TSPAN16: variants seen among roughly 807,000 people sequenced by gnomAD.
TSPAN16 encodes the protein tetraspanin-16.
Under a neutral mutation model 25.2 loss-of-function variants are expected in TSPAN16, and 23 were observed. The observed-to-expected ratio is 0.91, with a 90% CI of 0.66 to 1.29. The LOEUF is 1.29. TSPAN16 is among the 50% of genes most tolerant of loss of function. The pLI, the probability that TSPAN16 is intolerant of heterozygous loss-of-function variation, is 0.00. For synonymous variants in TSPAN16, 123 were observed against 124.4 expected (o/e 0.99, Z 0.08); for missense variants, 272 against 299.9 (o/e 0.91, Z 0.69).
rs149276720 is a variant in TSPAN16 at position 11,310,210 on chromosome 19, G to C, written c.604-1929G>C. On this transcript the variant is annotated intron_variant, in intron 5 of 6. Transcript: ENST00000590327. ...GAGATGTGCCAGGGGCCTAGAAGAG[G>C]GAGCTACTCTGGAAGTGCAGGAAGA... Among the ~76,000 whole-genome samples, 32 of 152,210 alleles carry C rather than the reference G, an allele frequency of 2.1e-4. No individual in the cohort carries two copies. In the East Asian group the frequency reaches 4.8e-3, roughly 23 times the overall value.
intron 4 of TSPAN16, among the ~76,000 whole-genome samples, chr19:11,304,409 C>A (rs1294888596): frequency 6.6e-6 from 1 of 151,702 alleles, no homozygotes; most frequent in African/African-American, 2.4e-5. Flanking sequence ...GTGGCGCAAT[C>A]TCGGCTCACT....
At chr19:11,319,612 A>C (rs185271826), downstream of TSPAN16, among the ~76,000 whole-genome samples, 1 of 150,340 alleles carries the variant, frequency 6.7e-6, no homozygotes, top group Non-Finnish European at 1.5e-5. Flanking sequence ...CAAACAAAAC[A>C]AAACAAAACA....
At chr19:11,323,206 TAAA>T (rs1346026566) in intron 6 of TSPAN16, 1 of 152,130 alleles carries the variant, frequency 6.6e-6, no homozygotes, top group East Asian at 1.9e-4. Context: ...TTAAAGTAGC[TAAA>T]AATTTTTGAC....
At position 11,298,384 on chromosome 19, in the gene TSPAN16, AC is replaced by A. The variant is rs1484288173; in HGVS notation, c.267+46del. On this transcript the variant is annotated intron_variant, in intron 2 of 6. Transcript: ENST00000590327. ...AGACCCCAGAACTGCCTCCCCACACACACAAATCTTTTATTGTGCGTGTTGC... is the reference window on the plus strand; with the variant it reads ...AGACCCCAGAACTGCCTCCCCACACAACAAATCTTTTATTGTGCGTGTTGC... 4.4e-6 allele frequency: 7 copies of A among 1,581,184 alleles called. No individual in the cohort carries two copies. The Admixed American group carries it at 1.2e-4, about 27-fold the overall frequency.
chr19:11,306,375 T>G (rs370423598), intron 4 of TSPAN16, among the ~76,000 whole-genome samples: 13 of 151,956 alleles, frequency 8.6e-5, no homozygotes, highest in African/African-American at 3.1e-4. Flanking sequence ...TAAATTTTTT[T>G]GCCGAGATGG....
At chr19:11,299,385 C>T (rs1246293418) in intron 3 of TSPAN16, among the ~76,000 whole-genome samples, 2 of 152,094 alleles carry the variant, frequency 1.3e-5, no homozygotes, top group Non-Finnish European at 2.9e-5. Flanking sequence ...CACGTGCCAC[C>T]TTTGATGGTG....
chr19:11,303,583 A>C (rs866196151), intron 4 of TSPAN16, among the ~76,000 whole-genome samples: 2 of 147,162 alleles, frequency 1.4e-5, no homozygotes, highest in African/African-American at 2.5e-5. Context: ...AAATTAAAAA[A>C]AAAAAAAAAA....
intron 6 of TSPAN16, chr19:11,326,692 C>A: frequency 1.5e-6 from 1 of 660,822 alleles, no homozygotes; most frequent in Non-Finnish European, 2.7e-6. Flanking sequence ...CAGCCTCAAC[C>A]TCCTGGGCTC....
chr19:11,321,500 C>A (rs566451346), intron 6 of TSPAN16, among the ~76,000 whole-genome samples: 4 of 152,272 alleles, frequency 2.6e-5, no homozygotes, highest in African/African-American at 7.2e-5. Context: ...TGGGTGGGGA[C>A]ACAAAGCCAA....
At chr19:11,301,085 A>G in intron 3 of TSPAN16, 116 bp from the exon 4 acceptor site, 1 of 791,826 alleles carries the variant, frequency 1.3e-6, no homozygotes, top group Non-Finnish European at 2.1e-6. Context: ...GGGTAGGAAA[A>G]ATGAAGGCAG....
chr19:11,317,582 C>G (rs1041300738), downstream of TSPAN16, among the ~76,000 whole-genome samples: 1 of 151,846 alleles, frequency 6.6e-6, no homozygotes. Flanking sequence ...GCAACCTCAG[C>G]CTTCCGGGTT....
At chr19:11,323,618 C>T (rs2080794295) in intron 6 of TSPAN16, 1 of 152,114 alleles carries the variant, frequency 6.6e-6, no homozygotes, top group Non-Finnish European at 1.5e-5. Flanking sequence ...AAAGATACCC[C>T]ACTCCAAAGT....
At chr19:11,303,958 C>T (rs530788179) in intron 4 of TSPAN16, among the ~76,000 whole-genome samples, 1 of 151,406 alleles carries the variant, frequency 6.6e-6, no homozygotes, top group Non-Finnish European at 1.5e-5. Flanking sequence ...TAATTTTTGT[C>T]TCTAGTAGAG....
At chr19:11,326,413 A>G (rs1269262751) in intron 6 of TSPAN16, among the ~76,000 whole-genome samples, 1 of 152,126 alleles carries the variant, frequency 6.6e-6, no homozygotes, top group Non-Finnish European at 1.5e-5. Context: ...CTGCGGCTGC[A>G]GCCATGGTCT....
intron 6 of TSPAN16, among the ~76,000 whole-genome samples, chr19:11,313,310 G>A (rs912293683): frequency 7.2e-5 from 11 of 152,140 alleles, no homozygotes; most frequent in African/African-American, 2.2e-4. Flanking sequence ...TGAAGAGATC[G>A]AGACCAGCCT....
At chr19:11,302,674 T>TACACACAC (rs1388088474) in intron 4 of TSPAN16, among the ~76,000 whole-genome samples, 18 of 128,630 alleles carry the variant, frequency 1.4e-4, no homozygotes, top group Middle Eastern at 3.7e-3. Flanking sequence ...TATATATATA[T>TACACACAC]ATATACACAC....
At chr19:11,298,095 TACAACTAAC>T in intron 1 of TSPAN16, 38 bp from the exon 2 acceptor site, 1 of 1,595,360 alleles carries the variant, frequency 6.3e-7, no homozygotes, top group Non-Finnish European at 8.6e-7. Context: ...TCTATTTGTA[TACAACTAAC>T]AGATTACTTT....
At chr19:11,317,495 TTTC>T (rs761148134), downstream of TSPAN16, among the ~76,000 whole-genome samples, 5 of 151,938 alleles carry the variant, frequency 3.3e-5, no homozygotes, top group Non-Finnish European at 5.9e-5. Flanking sequence ...TTTTTTCTTT[TTTC>T]TTTTTTCTTT....
chr19:11,305,517 G>A (rs933843575), intron 4 of TSPAN16, among the ~76,000 whole-genome samples: 1 of 151,244 alleles, frequency 6.6e-6, no homozygotes, highest in African/African-American at 2.4e-5. Context: ...GCAACAGACA[G>A]AGACTGTGTC....
Sources: allele counts gnomAD v4.1 joint callset (sites outside exome capture counted in the v4.1 genomes callset), GRCh38; gene constraint gnomAD v4.1.1; transcripts MANE v1.5; gene names NCBI Gene and HGNC (gene_info 2026-07-23, HGNC 2026-07-21).